The following GRM7 variants were observed in gnomAD, a reference collection of about 807,000 sequenced individuals.
GRM7 encodes the protein glutamate metabotropic receptor 7, also known as metabotropic glutamate receptor 7.
A neutral mutation model predicts 84.5 loss-of-function variants in GRM7; 35 were observed. The observed-to-expected ratio is 0.41, with a 90% CI of 0.32 to 0.55. The LOEUF is 0.55. Among genes scored for constraint, GRM7 ranks in the 20% least tolerant of loss-of-function variants. The pLI, the probability that GRM7 is intolerant of heterozygous loss-of-function variation, is 0.19. For synonymous variants in GRM7, 487 were observed against 455.1 expected, an observed-to-expected ratio of 1.07 and a Z score of -0.89; for missense variants, 1,003 against 1,194.6, an observed-to-expected ratio of 0.84 and a Z score of 2.36.
At chr3:7,661,557 C>G (rs1295412532) in intron 8 of GRM7, among the ~76,000 whole-genome samples, 1 of 151,806 alleles carries the variant, frequency 6.6e-6, no homozygotes, top group Non-Finnish European at 1.5e-5. Flanking sequence ...CACTTTGGGA[C>G]GCCATGGCAG....
At chr3:6,947,791 A>G (rs1384063282) in intron 1 of GRM7, among the ~76,000 whole-genome samples, 1 of 152,126 alleles carries the variant, frequency 6.6e-6, no homozygotes, top group Non-Finnish European at 1.5e-5. Context: ...GGGAGAGTGT[A>G]TGTGTCGAGG....
At position 7,534,334 on chromosome 3, in the gene GRM7, A is replaced by G. The variant is rs1052916268; in HGVS notation, c.1516-44088A>G. The stretch of plus-strand genomic sequence containing the variant: ...CAGCTGAAAGTGCTGAATACTTTAA[A>G]TATACAACCTCATTGAAGCCTTACA... On this transcript the variant is annotated intron_variant, in intron 7 of 9. Transcript: ENST00000357716. Among the ~76,000 whole-genome samples the G allele has an allele frequency of 2.0e-5, 3 of 152,286 alleles. No homozygotes were observed. The East Asian group carries it at 5.8e-4, about 29-fold the overall frequency.
At chr3:7,650,312 C>A (rs1000832845) in intron 8 of GRM7, among the ~76,000 whole-genome samples, 10 of 152,172 alleles carry the variant, frequency 6.6e-5, no homozygotes, top group African/African-American at 2.4e-4. Context: ...TCTGAGCCTC[C>A]CTTTCTGATC....
chr3:7,288,559 C>T (rs1407015203), intron 2 of GRM7, among the ~76,000 whole-genome samples: 2 of 152,118 alleles, frequency 1.3e-5, no homozygotes, highest in Admixed American at 6.6e-5. Context: ...AAAGTGGACC[C>T]ATACCCCCAC....
At chr3:7,569,287 C>T (rs1362847716) in intron 7 of GRM7, among the ~76,000 whole-genome samples, 2 of 152,078 alleles carry the variant, frequency 1.3e-5, no homozygotes, top group African/African-American at 2.4e-5. Flanking sequence ...CAATCAGTAC[C>T]CTATGTCTAG....
At chr3:6,867,667 T>G (rs1410095412) in intron 1 of GRM7, among the ~76,000 whole-genome samples, 1 of 152,156 alleles carries the variant, frequency 6.6e-6, no homozygotes, top group Non-Finnish European at 1.5e-5. Flanking sequence ...GCTGCAAACA[T>G]ATTTCCCAAC....
Position 7,341,374 on chromosome 3 carries a change from T to G in GRM7, c.1033+34722T>G, listed in dbSNP as rs960954222. 6.5e-5 allele frequency among the ~76,000 whole-genome samples: 5 copies of G among 76,974 alleles called. No homozygotes were observed. The South Asian group carries it at 9.7e-4, about 15-fold the overall frequency. 50.5% of individuals were successfully genotyped at this position (76,974 alleles called of 152,430 possible). ...AAATAACGGTAAAATTCAACTCATGTTTTTTTTTTGTTTATTTAGCAAACA... is the reference window on the plus strand; with the variant it reads ...AAATAACGGTAAAATTCAACTCATGGTTTTTTTTTGTTTATTTAGCAAACA... On this transcript the variant is annotated intron_variant, in intron 4 of 9. Transcript: ENST00000357716.
intron 1 of GRM7, among the ~76,000 whole-genome samples, chr3:7,128,266 T>G (rs896517072): frequency 4.6e-5 from 7 of 151,898 alleles, no homozygotes; most frequent in Non-Finnish European, 1.0e-4. Flanking sequence ...TTGCTTGATA[T>G]TTTAGCTGGG....
chr3:7,730,311 T>TTTTG (rs1002735549), intron 9 of GRM7, among the ~76,000 whole-genome samples: 188 of 152,228 alleles, frequency 1.2e-3, no homozygotes, highest in African/African-American at 3.9e-3. Context: ...TGGCCTGTTT[T>TTTTG]TTTGTTTGTT....
chr3:7,713,114 A>ATTTTT lies in GRM7; in HGVS notation c.2699-27239_2699-27238insTTTTT, dbSNP rs1165234212. 1.3e-4 allele frequency among the ~76,000 whole-genome samples: 17 copies of ATTTTT among 129,908 alleles called. 1 individual carries two copies. The highest frequency in any genetic ancestry group is 3.1e-4 in the African/African-American group (10 of 32,122). The allele number at this position is 129,908 out of a possible 152,430, so 85.2% of individuals were successfully genotyped here. On this transcript the variant is annotated intron_variant, in intron 9 of 9. Transcript: ENST00000357716. ...ATATTCACAGATAGAGAGGATTCGA[A>ATTTTT]TTTTGTTTTGTTTTTTTTTTTTTTT... is the stretch of plus-strand genomic sequence containing the variant.
intron 7 of GRM7, among the ~76,000 whole-genome samples, chr3:7,548,820 A>G (rs111923779): frequency 2.8e-3 from 425 of 152,278 alleles, no homozygotes; most frequent in Middle Eastern, 6.8e-3. Flanking sequence ...AAGAACTTTG[A>G]GCCTCACTCT....
intron 5 of GRM7, among the ~76,000 whole-genome samples, chr3:7,447,844 A>C (rs1353511241): frequency 4.0e-5 from 6 of 150,966 alleles, no homozygotes; most frequent in Admixed American, 3.3e-4. Flanking sequence ...GGTGTGCTGC[A>C]CCCATTAACT....
chr3:7,075,634 T>C (rs1698045386), intron 1 of GRM7, among the ~76,000 whole-genome samples: 1 of 151,964 alleles, frequency 6.6e-6, no homozygotes, highest in Admixed American at 6.6e-5. Context: ...CAAGCGATTC[T>C]TGTGCCTCAA....
At chr3:7,687,711 G>A (rs1189742191) in intron 9 of GRM7, among the ~76,000 whole-genome samples, 1 of 152,070 alleles carries the variant, frequency 6.6e-6, no homozygotes, top group African/African-American at 2.4e-5. Flanking sequence ...TCAGATCACT[G>A]TTCTGGTTCT....
intron 1 of GRM7, among the ~76,000 whole-genome samples, chr3:7,031,891 C>G (rs1431289781): frequency 6.6e-6 from 1 of 152,074 alleles, no homozygotes. Flanking sequence ...AGACAAAGAA[C>G]TTAGTGACTT....
intron 7 of GRM7, among the ~76,000 whole-genome samples, chr3:7,482,489 A>G (rs1389501045): frequency 6.6e-6 from 1 of 152,172 alleles, no homozygotes; most frequent in Non-Finnish European, 1.5e-5. Context: ...TGGCAAGTCA[A>G]TGTGAGGTAT....
chr3:7,668,880 T>C (rs2125130521), intron 8 of GRM7, among the ~76,000 whole-genome samples: 1 of 152,386 alleles, frequency 6.6e-6, no homozygotes, highest in African/African-American at 2.4e-5. Flanking sequence ...ATAATGTAAA[T>C]ATGGCCCATG....
chr3:6,899,234 A>G (rs1353398047), intron 1 of GRM7, among the ~76,000 whole-genome samples: 3 of 152,104 alleles, frequency 2.0e-5, no homozygotes, highest in African/African-American at 4.8e-5. Flanking sequence ...AGTTTTATCT[A>G]TTTCTATAGG....
intron 6 of GRM7, 69 bp from the exon 7 acceptor site, chr3:7,461,514 C>G: frequency 7.7e-7 from 1 of 1,292,128 alleles, no homozygotes. Context: ...TAGCCTGTCA[C>G]CCATAGTACA....
Sources: allele counts gnomAD v4.1 joint callset (sites outside exome capture counted in the v4.1 genomes callset), GRCh38; gene constraint gnomAD v4.1.1; transcripts MANE v1.5; gene names NCBI Gene and HGNC (gene_info 2026-07-23, HGNC 2026-07-21).